MPP3: variants seen among roughly 807,000 people sequenced by gnomAD.
MPP3 encodes the protein MAGUK p55 subfamily member 3.
In MPP3, 48 loss-of-function variants were observed where a neutral mutation model predicts 80.7. The ratio of observed to expected loss-of-function variants is 0.59; its 90% confidence interval spans 0.47 to 0.76. The LOEUF (loss-of-function observed/expected upper bound fraction) is 0.76, where lower values mean the gene tolerates loss of function less well. Ranked by LOEUF, MPP3 falls within the 30% of genes least tolerant of loss-of-function variation. The pLI is 0.00. For missense variants in MPP3, 620 were observed against 763.0 expected (o/e 0.81, Z 2.21); for synonymous variants, 311 against 297.6 (o/e 1.04, Z -0.46).
chr17:43,832,504 G>A (rs1223150301), intron 2 of MPP3, among the ~76,000 whole-genome samples: 1 of 152,216 alleles, frequency 6.6e-6, no homozygotes, highest in Non-Finnish European at 1.5e-5. Context: ...GAGAGGAGGG[G>A]GGGAAATGGG....
chr17:43,819,410 C>T (rs1223955818), intron 11 of MPP3, among the ~76,000 whole-genome samples: 3 of 152,234 alleles, frequency 2.0e-5, no homozygotes, highest in Non-Finnish European at 2.9e-5. Context: ...TGGGAACAAC[C>T]TAATCGAAGT....
rs546863077 is a variant in MPP3 at position 43,819,361 on chromosome 17, AAAGT to A, written c.882-1255_882-1252del. On this transcript the variant is annotated intron_variant, in intron 11 of 19. Transcript: ENST00000398389. The stretch of plus-strand genomic sequence containing the variant: ...GAAACATGAGGAACAGTCTATGTGC[AAAGT>A]AAGTAAGTACTGCAGCCTTATAAAA... 1.8e-4 allele frequency among the ~76,000 whole-genome samples: 28 copies of A among 152,374 alleles called. 1 individual carries two copies. The South Asian group carries it at 5.2e-3, about 28-fold the overall frequency.
intron 14 of MPP3, chr17:43,814,574 C>T: frequency 2.2e-6 from 1 of 463,738 alleles, no homozygotes. Context: ...GGCTTAAGGT[C>T]ACTGTTTTAC....
chr17:43,817,125 A>G (rs534030018), intron 12 of MPP3, among the ~76,000 whole-genome samples: 2 of 152,186 alleles, frequency 1.3e-5, no homozygotes, highest in Non-Finnish European at 2.9e-5. Flanking sequence ...GCAGAGCTGC[A>G]GGCCATCTGT....
rs554911702 is a variant in MPP3 at position 43,801,824 on chromosome 17, G to A, written c.1635C>T (p.Tyr545=). The A allele has an allele frequency of 1.7e-5, 28 of 1,613,976 alleles. No individual in the cohort carries two copies. The Admixed American group carries it at 2.0e-4, about 12-fold the overall frequency. Residue 545 remains tyrosine (Y), a synonymous_variant, in exon 20 of 20, where the codon TAC becomes TAT. Coordinates refer to ENST00000398389, the MANE Select transcript of MPP3 (RefSeq NM_001932.6). ...AASAAFIDRH[Y]GHLVDAVLVK... ...CCAGCACGGCGTCTACCAGGTGCCC[G>A]TAATGCCGGTCTATGAAGGCGGCAG... is the stretch of plus-strand genomic sequence containing the variant.
chr17:43,827,296 G>A (rs1351981966), intron 8 of MPP3, among the ~76,000 whole-genome samples: 1 of 148,950 alleles, frequency 6.7e-6, no homozygotes, highest in East Asian at 2.0e-4. Flanking sequence ...GATTACAGGC[G>A]TGAGCCACTG....
chr17:43,828,526 C>A (rs753654128), intron 7 of MPP3, among the ~76,000 whole-genome samples: 59 of 152,198 alleles, frequency 3.9e-4, no homozygotes, highest in Non-Finnish European at 7.5e-4. Flanking sequence ...ATCTCTTATC[C>A]TCTCCAAGCC....
chr17:43,831,958 TG>T lies in MPP3; in HGVS notation c.-37-16del, dbSNP rs1392032092. On this transcript the variant is annotated splice_polypyrimidine_tract_variant and intron_variant, in intron 2 of 19. Transcript: ENST00000398389. ...CCCTGCAGATTCTGGGAGAAGGGGG[TG>T]GAGGTGGGTATTGAAGCTCCATCAA... 9.0e-6 allele frequency: 14 copies of T among 1,562,558 alleles called. No individual in the cohort carries two copies. The highest frequency in any genetic ancestry group is 1.2e-5 in the Non-Finnish European group (14 of 1,136,820).
chr17:43,823,146 C>A (rs1272286527), intron 10 of MPP3, among the ~76,000 whole-genome samples: 3 of 152,148 alleles, frequency 2.0e-5, no homozygotes, highest in Non-Finnish European at 4.4e-5. Context: ...TGCATTCAAT[C>A]CTTGTCTCAG....
chr17:43,826,661 A>T (rs1330572710), intron 8 of MPP3, among the ~76,000 whole-genome samples: 3 of 152,118 alleles, frequency 2.0e-5, no homozygotes, highest in Admixed American at 6.5e-5. Flanking sequence ...TTGTAATAGT[A>T]GCTTGACAAG....
chr17:43,828,465 G>A (rs1396441440), intron 7 of MPP3, among the ~76,000 whole-genome samples: 2 of 152,216 alleles, frequency 1.3e-5, no homozygotes, highest in African/African-American at 4.8e-5. Flanking sequence ...ACAGCCTTGG[G>A]TGTGAACACA....
intron 19 of MPP3, among the ~76,000 whole-genome samples, chr17:43,807,941 T>C (rs1426669352): frequency 6.6e-6 from 1 of 151,072 alleles, no homozygotes; most frequent in African/African-American, 2.4e-5. Context: ...GTCTGGGCAA[T>C]ACAGCAAGAT....
intron 16 of MPP3, 61 bp downstream of exon 16, chr17:43,813,950 G>T: frequency 7.4e-7 from 1 of 1,346,128 alleles, no homozygotes; most frequent in Non-Finnish European, 1.0e-6. Flanking sequence ...GGGGAGTTAA[G>T]TCTCCATGGA....
intron 11 of MPP3, 142 bp downstream of exon 11, chr17:43,820,720 C>T (rs2045409339): frequency 1.4e-6 from 1 of 694,168 alleles, no homozygotes; most frequent in Admixed American, 2.9e-5. Flanking sequence ...AAAGACCAAA[C>T]ACAAGTGCAA....
chr17:43,804,970 A>G (rs2044555128), intron 19 of MPP3, among the ~76,000 whole-genome samples: 1 of 152,184 alleles, frequency 6.6e-6, no homozygotes, highest in Non-Finnish European at 1.5e-5. Context: ...GTGAGCCAAC[A>G]CCGCACCATT....
chr17:43,802,721 T>G (rs1482725366), intron 19 of MPP3, among the ~76,000 whole-genome samples: 2 of 152,156 alleles, frequency 1.3e-5, no homozygotes, highest in African/African-American at 4.8e-5. Flanking sequence ...CAAAATAAAA[T>G]TTGTCGCTGG....
chr17:43,814,167 C>T, intron 15 of MPP3, 30 bp downstream of exon 15: 3 of 1,609,138 alleles, frequency 1.9e-6, no homozygotes, highest in Non-Finnish European at 2.5e-6. Context: ...GAAACCAGAT[C>T]ACTTCCTGGA....
In MPP3 at chr17:43,814,291, G is replaced by T; in HGVS notation, c.1080C>A (p.Ser360=). The change falls in exon 15 of 20, where the codon TCC becomes TCA. Residue 360 remains serine, a synonymous_variant. Coordinates refer to ENST00000398389, the MANE Select transcript of MPP3 (RefSeq NM_001932.6). ...GCAGCTCCGGAGACTCAGCTCCGGA[G>T]GACATCTTTCCTTCCTGCGAGCCAC... The part of the protein sequence containing the change: ...RLGGSQEGKM[S]SGAESPELLT... The T allele has an allele frequency of 6.2e-7, 1 of 1,612,624 alleles. No individual in the cohort carries two copies. Among genetic ancestry groups the T allele is most frequent in the Non-Finnish European group, 8.5e-7 (1 of 1,179,984 alleles).
intron 6 of MPP3, 114 bp downstream of exon 6, chr17:43,829,913 A>G (rs1181293125): frequency 1.3e-6 from 2 of 1,546,608 alleles, no homozygotes; most frequent in Non-Finnish European, 1.8e-6. Context: ...CCCAGACACT[A>G]GTGCTGAGGA....
Sources: allele counts gnomAD v4.1 joint callset (sites outside exome capture counted in the v4.1 genomes callset), GRCh38; gene constraint gnomAD v4.1.1; transcripts MANE v1.5; gene names NCBI Gene and HGNC (gene_info 2026-07-23, HGNC 2026-07-21).